NRXN1: variants seen among roughly 807,000 people sequenced by gnomAD.
NRXN1 encodes the protein neurexin 1.
Under a neutral mutation model 150.9 loss-of-function variants are expected in NRXN1, and 39 were observed. That is an observed-to-expected ratio of 0.26 (90% CI 0.20 to 0.34). The LOEUF (loss-of-function observed/expected upper bound fraction) is 0.34, where lower values mean the gene tolerates loss of function less well. NRXN1 is among the 10% of genes least tolerant of loss of function. The probability of loss-of-function intolerance (pLI) is 1.00; values close to 1 mark genes in which losing one functional copy is unlikely to be tolerated. For missense variants in NRXN1, 1,815 were observed against 1,949.9 expected (o/e 0.93, Z 1.30); for synonymous variants, 924 against 757.0 (o/e 1.22, Z -3.62).
intron 21 of NRXN1, among the ~76,000 whole-genome samples, chr2:49,959,515 G>A (rs925816637): frequency 6.6e-6 from 1 of 152,190 alleles, no homozygotes; most frequent in African/African-American, 2.4e-5. Context: ...CCTGGTACAG[G>A]TTATGGGATC....
chr2:49,970,696 T>C (rs1677793386), intron 21 of NRXN1: 1 of 152,146 alleles, frequency 6.6e-6, no homozygotes, highest in Non-Finnish European at 1.5e-5. Context: ...AGTGTAAATT[T>C]TAAAAACTTA....
chr2:50,902,505 T>C (rs1683099601), intron 5 of NRXN1, among the ~76,000 whole-genome samples: 1 of 152,214 alleles, frequency 6.6e-6, no homozygotes, highest in Non-Finnish European at 1.5e-5. Context: ...ACACTACCAG[T>C]GAAACAACTT....
At chr2:49,979,267 A>G (rs1448469866) in intron 21 of NRXN1, among the ~76,000 whole-genome samples, 1 of 152,210 alleles carries the variant, frequency 6.6e-6, no homozygotes, top group Non-Finnish European at 1.5e-5. Context: ...ACTGCACTCC[A>G]GCCTGGGTGA....
At chr2:49,974,060 G>A (rs1678465694) in intron 21 of NRXN1, 1 of 717,300 alleles carries the variant, frequency 1.4e-6, no homozygotes, top group East Asian at 2.7e-5. Flanking sequence ...GGAAATCCTA[G>A]GAAATTTAGT....
rs1336479830 is a variant in NRXN1 at position 49,919,139 on chromosome 2, A to G, written c.*2805T>C. 5 of 152,102 alleles carry G rather than the reference A, an allele frequency of 3.3e-5. No individual in the cohort carries two copies. Among genetic ancestry groups the G allele is most frequent in the African/African-American group, 9.7e-5 (4 of 41,442 alleles). 9.4% of individuals were successfully genotyped at this position (152,102 alleles called of 1,614,324 possible). The stretch of plus-strand genomic sequence containing the variant: ...TAAAAAAGAAGCATAATCAATCAGA[A>G]AAGTTACAGTCTAGAGATGTAATCA... On this transcript the variant is annotated 3_prime_UTR_variant, in exon 23 of 23. Coordinates refer to ENST00000401669, the MANE Select transcript of NRXN1 (RefSeq NM_001330078.2).
chr2:49,996,133 C>T (rs146933589), intron 21 of NRXN1, among the ~76,000 whole-genome samples: 9 of 152,084 alleles, frequency 5.9e-5, no homozygotes, highest in African/African-American at 1.2e-4. Flanking sequence ...CTTTCTCCTA[C>T]CTTGTATTAA....
intron 17 of NRXN1, among the ~76,000 whole-genome samples, chr2:50,361,726 G>T (rs1416328595): frequency 6.6e-6 from 1 of 152,036 alleles, no homozygotes; most frequent in Non-Finnish European, 1.5e-5. Flanking sequence ...AGAAAAAGAG[G>T]CACTCCTCCC....
chr2:50,879,992 C>T (rs1056041615), intron 5 of NRXN1, among the ~76,000 whole-genome samples: 1 of 151,860 alleles, frequency 6.6e-6, no homozygotes, highest in African/African-American at 2.4e-5. Flanking sequence ...ATTAAAGATG[C>T]CTCTTTTCCC....
intron 5 of NRXN1, among the ~76,000 whole-genome samples, chr2:50,659,041 C>T (rs998564474): frequency 1.8e-4 from 28 of 152,144 alleles, no homozygotes; most frequent in African/African-American, 6.7e-4. Flanking sequence ...CCTTTCTTCA[C>T]CACCCAACTT....
chr2:50,970,742 C>T (rs924870099), intron 2 of NRXN1, among the ~76,000 whole-genome samples: 2 of 151,824 alleles, frequency 1.3e-5, no homozygotes, highest in South Asian at 2.1e-4. Flanking sequence ...GTTTAAAATA[C>T]GTTGTGGGAC....
At chr2:50,967,506 G>A (rs907184067) in intron 2 of NRXN1, among the ~76,000 whole-genome samples, 9 of 152,038 alleles carry the variant, frequency 5.9e-5, no homozygotes, top group South Asian at 2.1e-4. Context: ...AGTCTTTTAA[G>A]GAAGTATGGG....
At chr2:50,359,978 C>G (rs754804121) in intron 17 of NRXN1, among the ~76,000 whole-genome samples, 1 of 152,208 alleles carries the variant, frequency 6.6e-6, no homozygotes, top group African/African-American at 2.4e-5. Context: ...AAAGAATTTT[C>G]AACCCAGAAT....
At chr2:50,534,524 G>T (rs2093202917) in intron 10 of NRXN1, among the ~76,000 whole-genome samples, 1 of 152,136 alleles carries the variant, frequency 6.6e-6, no homozygotes, top group African/African-American at 2.4e-5. Flanking sequence ...ATGAAAACCT[G>T]AGTGTAAAGT....
intron 5 of NRXN1, among the ~76,000 whole-genome samples, chr2:50,903,160 A>T (rs1423649814): frequency 6.6e-6 from 1 of 152,194 alleles, no homozygotes; most frequent in Non-Finnish European, 1.5e-5. Context: ...AGACAGGGCC[A>T]GAACTTTTTT....
intron 5 of NRXN1, among the ~76,000 whole-genome samples, chr2:50,718,648 A>G (rs1696182006): frequency 6.6e-6 from 1 of 152,188 alleles, no homozygotes; most frequent in Admixed American, 6.5e-5. Context: ...GGAAAATAAG[A>G]GCCCTTCTGC....
At chr2:50,602,567 G>A (rs1007328443) in intron 8 of NRXN1, among the ~76,000 whole-genome samples, 3 of 152,016 alleles carry the variant, frequency 2.0e-5, no homozygotes, top group African/African-American at 4.8e-5. Context: ...CAAGAAAGAT[G>A]ATTATCAAAA....
intron 2 of NRXN1, among the ~76,000 whole-genome samples, chr2:50,941,972 G>T (rs1689522930): frequency 6.6e-6 from 1 of 152,178 alleles, no homozygotes; most frequent in Non-Finnish European, 1.5e-5. Context: ...TGAGGCCTGG[G>T]AGGGAAAAAA....
At chr2:50,562,865 A>C (rs760095172) in intron 8 of NRXN1, among the ~76,000 whole-genome samples, 3 of 152,068 alleles carry the variant, frequency 2.0e-5, no homozygotes, top group Non-Finnish European at 2.9e-5. Context: ...ATGTCACCTA[A>C]CTGTCACAGC....
At chr2:50,001,389 A>T (rs1343515793) in intron 21 of NRXN1, among the ~76,000 whole-genome samples, 1 of 152,156 alleles carries the variant, frequency 6.6e-6, no homozygotes, top group Non-Finnish European at 1.5e-5. Flanking sequence ...AAGGAGATGA[A>T]GTGAATGCAT....
Sources: gnomAD v4.1 joint callset for allele counts (sites outside exome capture counted in the v4.1 genomes callset) on GRCh38, gnomAD v4.1.1 for gene constraint, MANE v1.5 for transcripts, NCBI Gene and HGNC (gene_info 2026-07-23, HGNC 2026-07-21) for gene names.